Variants in SHISA9 observed in about 807,000 individuals in gnomAD.
The protein encoded by SHISA9 is protein shisa-9.
In SHISA9, 13 loss-of-function variants were observed where a neutral mutation model predicts 38.0. That is an observed-to-expected ratio of 0.34 (90% CI 0.22 to 0.54). The LOEUF is 0.54. Ranked by LOEUF, SHISA9 falls within the 20% of genes least tolerant of loss-of-function variation. SHISA9 has a pLI of 0.91. For synonymous variants in SHISA9, 275 were observed against 242.0 expected (o/e 1.14, Z -1.27); for missense variants, 538 against 575.8 (o/e 0.93, Z 0.67).
chr16:13,003,644 G>C (rs1187544026), intron 2 of SHISA9, among the ~76,000 whole-genome samples: 3 of 152,042 alleles, frequency 2.0e-5, no homozygotes, highest in African/African-American at 4.8e-5. Context: ...GATCACCTGA[G>C]GTCAGGAGTT....
the SHISA9 span, among the ~76,000 whole-genome samples, chr16:13,489,889 A>G: frequency 6.6e-6 from 1 of 152,216 alleles, no homozygotes; most frequent in African/African-American, 2.4e-5. Flanking sequence ...CAGATCTGGG[A>G]TTGGAACAAG....
chr16:12,997,125 C>G (rs1489900067), intron 2 of SHISA9, among the ~76,000 whole-genome samples: 1 of 152,134 alleles, frequency 6.6e-6, no homozygotes, highest in East Asian at 1.9e-4. Context: ...CCTCATGCTT[C>G]TTTTCATTCA....
At chr16:13,061,101 G>T (rs1158567910) in intron 2 of SHISA9, among the ~76,000 whole-genome samples, 1 of 152,090 alleles carries the variant, frequency 6.6e-6, no homozygotes, top group Non-Finnish European at 1.5e-5. Context: ...CTTGCTTATC[G>T]CCCTGCCTCT....
Position 13,002,890 on chromosome 16 carries a change from C to T in SHISA9, c.691+86075C>T, listed in dbSNP as rs184558430. 2.4e-3 allele frequency among the ~76,000 whole-genome samples: 367 copies of T among 152,098 alleles called. 7 individuals are homozygous for T. The highest frequency in any genetic ancestry group is 8.4e-3 in the African/African-American group (349 of 41,482). Reference sequence around the variant, plus strand: ...GAATTTAGGCTCAAAGTTGCATTGTCAAGCAAGTATTTAATTACAATAATG... The same window carrying T: ...GAATTTAGGCTCAAAGTTGCATTGTTAAGCAAGTATTTAATTACAATAATG... On this transcript the variant is annotated intron_variant, in intron 2 of 4. Coordinates refer to ENST00000558583, the MANE Select transcript of SHISA9 (RefSeq NM_001145204.3).
intron 2 of SHISA9, among the ~76,000 whole-genome samples, chr16:13,099,357 T>C (rs2073856724): frequency 6.6e-6 from 1 of 152,110 alleles, no homozygotes; most frequent in Non-Finnish European, 1.5e-5. Flanking sequence ...AAGTAAAATA[T>C]AACTAAACTA....
At chr16:13,041,338 C>T (rs939470210) in intron 2 of SHISA9, among the ~76,000 whole-genome samples, 1 of 152,184 alleles carries the variant, frequency 6.6e-6, no homozygotes, top group African/African-American at 2.4e-5. Context: ...AGGCTTAGGA[C>T]TCCTGCTGTT....
At chr16:13,067,960 A>G (rs1001137867) in intron 2 of SHISA9, among the ~76,000 whole-genome samples, 1 of 152,142 alleles carries the variant, frequency 6.6e-6, no homozygotes, top group African/African-American at 2.4e-5. Flanking sequence ...ACCATGCTAC[A>G]CTGATGTCAC....
chr16:13,119,724 C>G (rs1402448872), intron 2 of SHISA9, among the ~76,000 whole-genome samples: 1 of 152,168 alleles, frequency 6.6e-6, no homozygotes. Context: ...TGATTTCTTC[C>G]CCTAATCAGA....
chr16:13,534,490 G>A, the SHISA9 span, among the ~76,000 whole-genome samples: 2 of 152,186 alleles, frequency 1.3e-5, no homozygotes, highest in Non-Finnish European at 2.9e-5. Flanking sequence ...CTCCCAAAGT[G>A]CTGGGATTAC....
chr16:13,196,735 G>C (rs1386814641), intron 2 of SHISA9, among the ~76,000 whole-genome samples: 1 of 152,158 alleles, frequency 6.6e-6, no homozygotes, highest in Non-Finnish European at 1.5e-5. Flanking sequence ...GGAACTCTCT[G>C]TACTATCTTT....
At chr16:13,355,779 G>C in the SHISA9 span, among the ~76,000 whole-genome samples, 1 of 152,140 alleles carries the variant, frequency 6.6e-6, no homozygotes, top group Admixed American at 6.5e-5. Flanking sequence ...CCTGAAGCTC[G>C]ATGTCCGTGA....
At chr16:13,370,890 T>C in the SHISA9 span, among the ~76,000 whole-genome samples, 1 of 152,204 alleles carries the variant, frequency 6.6e-6, no homozygotes, top group African/African-American at 2.4e-5. Context: ...CAAACACTTA[T>C]GAGCACTTGC....
chr16:13,119,158 C>T (rs2074061308), intron 2 of SHISA9, among the ~76,000 whole-genome samples: 1 of 151,898 alleles, frequency 6.6e-6, no homozygotes, highest in South Asian at 2.1e-4. Flanking sequence ...TGAGCCACCG[C>T]GCCTGGCCCA....
intron 2 of SHISA9, among the ~76,000 whole-genome samples, chr16:13,134,451 G>A (rs1339995199): frequency 6.6e-6 from 1 of 152,144 alleles, no homozygotes; most frequent in East Asian, 1.9e-4. Flanking sequence ...CAATGGGGGA[G>A]AGAGGAGGGG....
chr16:13,217,491 C>T (rs1206737940), intron 4 of SHISA9, among the ~76,000 whole-genome samples: 1 of 152,210 alleles, frequency 6.6e-6, no homozygotes, highest in Non-Finnish European at 1.5e-5. Context: ...AATCTCTCTG[C>T]TTCTGACTAG....
intron 2 of SHISA9, among the ~76,000 whole-genome samples, chr16:12,953,552 C>T (rs1190549955): frequency 6.6e-6 from 1 of 152,212 alleles, no homozygotes; most frequent in Non-Finnish European, 1.5e-5. Flanking sequence ...TGTAATCTCT[C>T]ATTCCTAGAG....
chr16:13,422,861 T>A, the SHISA9 span, among the ~76,000 whole-genome samples: 1 of 152,326 alleles, frequency 6.6e-6, no homozygotes, highest in Admixed American at 6.5e-5. Flanking sequence ...TCTCCATTTC[T>A]TCATCTTTCT....
chr16:13,055,277 C>A (rs550573862), intron 2 of SHISA9, among the ~76,000 whole-genome samples: 1 of 152,240 alleles, frequency 6.6e-6, no homozygotes, highest in South Asian at 2.1e-4. Context: ...GTAAATAGAA[C>A]GAGAATTAGA....
chr16:13,424,426 C>G, the SHISA9 span, among the ~76,000 whole-genome samples: 7 of 152,324 alleles, frequency 4.6e-5, no homozygotes, highest in East Asian at 1.2e-3. Flanking sequence ...TGCTCCAAAC[C>G]CCTAGGCATC....
Sources: allele counts gnomAD v4.1 joint callset (sites outside exome capture counted in the v4.1 genomes callset), GRCh38; gene constraint gnomAD v4.1.1; transcripts MANE v1.5; gene names NCBI Gene and HGNC (gene_info 2026-07-23, HGNC 2026-07-21).